ADAT1: variants seen among roughly 807,000 people sequenced by gnomAD.
The protein encoded by ADAT1 is adenosine deaminase tRNA specific 1, also known as tRNA-specific adenosine deaminase 1.
A neutral mutation model predicts 58.6 loss-of-function variants in ADAT1; 58 were observed. That is an observed-to-expected ratio of 0.99 (90% CI 0.80 to 1.23). The LOEUF (loss-of-function observed/expected upper bound fraction) is 1.23, where lower values mean the gene tolerates loss of function less well. Among genes scored for constraint, ADAT1 ranks in the 50% most tolerant of loss-of-function variants. ADAT1 has a pLI of 0.00. For missense variants in ADAT1, 741 were observed against 608.6 expected (o/e 1.22, Z -2.29); for synonymous variants, 254 against 220.8 (o/e 1.15, Z -1.33).
Position 75,607,736 on chromosome 16 carries a change from A to G in ADAT1, c.1289+488T>C, listed in dbSNP as rs553100161. ...GTAACACTACTCCTAGGTATACCCA[A>G]GAAAATTGAAAACATATGGCCATGC... On this transcript the variant is annotated intron_variant, in intron 8 of 9. Coordinates refer to ENST00000564657, the MANE Select transcript of ADAT1 (RefSeq NM_001324445.2). Among the ~76,000 whole-genome samples, 6 of 152,350 alleles carry G rather than the reference A, an allele frequency of 3.9e-5. No homozygotes were observed. In the South Asian group the frequency reaches 1.2e-3, roughly 32 times the overall value.
At chr16:75,611,840 C>T (rs1185524599) in intron 6 of ADAT1, among the ~76,000 whole-genome samples, 2 of 151,954 alleles carry the variant, frequency 1.3e-5, no homozygotes, top group Admixed American at 1.3e-4. Flanking sequence ...GGTGGATCAC[C>T]TGAGGTCAGG....
At chr16:75,617,296 G>A (rs766336731) in intron 4 of ADAT1, 24 bp from the exon 5 acceptor site, 6 of 1,604,952 alleles carry the variant, frequency 3.7e-6, no homozygotes, top group Non-Finnish European at 5.1e-6. Context: ...GATGTTATTA[G>A]GATGAACAAC....
At chr16:75,620,214 A>G (rs913553444) in intron 3 of ADAT1, 52 bp downstream of exon 3, 4 of 1,579,348 alleles carry the variant, frequency 2.5e-6, no homozygotes, top group South Asian at 2.2e-5. Flanking sequence ...AGAGTAAAAC[A>G]TGGACACTGG....
chr16:75,604,674 T>C (rs955154909), intron 8 of ADAT1, among the ~76,000 whole-genome samples: 1 of 151,862 alleles, frequency 6.6e-6, no homozygotes, highest in Non-Finnish European at 1.5e-5. Flanking sequence ...AGCAAATATA[T>C]GTCCTTAAAA....
chr16:75,621,316 A>G (rs1253698846), intron 1 of ADAT1, among the ~76,000 whole-genome samples: 1 of 144,586 alleles, frequency 6.9e-6, no homozygotes, highest in African/African-American at 2.5e-5. Flanking sequence ...CCTCTAGTAA[A>G]TCCCCACTGA....
chr16:75,615,947 T>C (rs2081701323), intron 5 of ADAT1, among the ~76,000 whole-genome samples: 1 of 152,050 alleles, frequency 6.6e-6, no homozygotes, highest in Admixed American at 6.6e-5. Context: ...CTACCTGTCA[T>C]TTTTCTGGGC....
chr16:75,620,199 C>T (rs1353537051), intron 3 of ADAT1, 67 bp downstream of exon 3: 1 of 1,518,886 alleles, frequency 6.6e-7, no homozygotes, highest in Non-Finnish European at 9.1e-7. Context: ...TCTTCCCTGA[C>T]AAGGAGAGTA....
intron 8 of ADAT1, among the ~76,000 whole-genome samples, chr16:75,606,614 G>C (rs1467337477): frequency 1.3e-5 from 2 of 152,150 alleles, no homozygotes; most frequent in South Asian, 2.1e-4. Flanking sequence ...TAACCATTTT[G>C]GAACAGGATC....
chr16:75,611,705 A>G (rs537288949), intron 6 of ADAT1, among the ~76,000 whole-genome samples: 2 of 152,170 alleles, frequency 1.3e-5, no homozygotes, highest in Admixed American at 1.3e-4. Flanking sequence ...ATTTTTAACA[A>G]CAAAGAAAAC....
rs2081172029 is a variant in ADAT1 at position 75,599,677 on chromosome 16, G to A, written c.*539C>T. On this transcript the variant is annotated 3_prime_UTR_variant, in exon 10 of 10. Transcript: ENST00000564657. ...CTGAGAACAAGTCCAGGGCAGTCCA[G>A]GGCTGGCTCACAGGCTATTCCTAGA... 3.0e-6 allele frequency: 3 copies of A among 987,110 alleles called. No individual in the cohort carries two copies. Among genetic ancestry groups the A allele is most frequent in the Non-Finnish European group, 3.6e-6 (3 of 830,892 alleles). 61.1% of individuals were successfully genotyped at this position (987,110 alleles called of 1,614,324 possible). A position where few individuals can be genotyped will look rare whatever the true frequency, so the allele number is the denominator to read the frequency against.
chr16:75,621,231 A>T (rs184632230), intron 1 of ADAT1, among the ~76,000 whole-genome samples: 30 of 151,854 alleles, frequency 2.0e-4, no homozygotes, highest in African/African-American at 6.8e-4. Flanking sequence ...TTCTGGACAG[A>T]TGTTCTTATC....
At chr16:75,618,123 A>G (rs201405207) in intron 4 of ADAT1, among the ~76,000 whole-genome samples, 14,924 of 142,022 alleles carry the variant, frequency 0.11, 2,049 homozygotes, top group East Asian at 0.68. Flanking sequence ...AAAAAAAAAA[A>G]AGAGAGAACC....
intron 1 of ADAT1, among the ~76,000 whole-genome samples, chr16:75,621,449 C>G (rs2081927886): frequency 6.6e-6 from 1 of 152,000 alleles, no homozygotes; most frequent in African/African-American, 2.4e-5. Flanking sequence ...GAATAGACTA[C>G]TTAACCTTGC....
intron 5 of ADAT1, among the ~76,000 whole-genome samples, chr16:75,616,340 A>C (rs771745411): frequency 6.6e-6 from 1 of 151,772 alleles, no homozygotes; most frequent in Non-Finnish European, 1.5e-5. Flanking sequence ...TATATTTTCA[A>C]TTTGAGTTAT....
At chr16:75,608,358 T>C in intron 7 of ADAT1, 35 bp from the exon 8 acceptor site, 1 of 1,536,806 alleles carries the variant, frequency 6.5e-7, no homozygotes, top group Non-Finnish European at 9.0e-7. Flanking sequence ...TTAAAACTGC[T>C]CAATTTCTTG....
intron 9 of ADAT1, 42 bp from the exon 10 acceptor site, chr16:75,600,390 T>C (rs1208488244): frequency 6.2e-6 from 10 of 1,607,872 alleles, no homozygotes; most frequent in South Asian, 1.1e-5. Context: ...TCTCATTGAA[T>C]AGCCCACCCC....
At chr16:75,620,133 A>T (rs11648478) in intron 3 of ADAT1, 133 bp downstream of exon 3, 88,135 of 845,588 alleles carry the variant, frequency 0.1, 4,950 homozygotes, top group Non-Finnish European at 0.12. Flanking sequence ...GGTCCTTCCA[A>T]CTGGACTGAT....
chr16:75,608,245 G>A lies in ADAT1; in HGVS notation c.1268C>T (p.Thr423Ile), dbSNP rs566594759. The stretch of plus-strand genomic sequence containing the variant: ...GTACCTTGCCTGAAGGCTTCCAATT[G>A]TTTTCTTTGTTGTTCCCTGTGGAAA... ...NGFPQGTTKKTIGSLQARSQI... is the reference protein window; with the variant it reads ...NGFPQGTTKKIIGSLQARSQI... Residue 423 changes from threonine to isoleucine, a missense_variant, in exon 8 of 10, where the codon ACA (threonine) becomes ATA (isoleucine). Thr to Ile is a moderately conservative substitution (Grantham distance 89). Coordinates refer to ENST00000564657, the MANE Select transcript of ADAT1 (RefSeq NM_001324445.2). 6.2e-6 allele frequency: 10 copies of A among 1,613,882 alleles called. No individual in the cohort carries two copies. The highest frequency in any genetic ancestry group is 8.5e-6 in the Non-Finnish European group (10 of 1,179,952).
chr16:75,615,465 C>T (rs1471441074), intron 5 of ADAT1, among the ~76,000 whole-genome samples: 2 of 52,390 alleles, frequency 3.8e-5, no homozygotes, highest in Non-Finnish European at 3.9e-5. Context: ...CGAACGCAAA[C>T]GATAGTTGAT....
Sources: allele counts gnomAD v4.1 joint callset (sites outside exome capture counted in the v4.1 genomes callset), GRCh38; gene constraint gnomAD v4.1.1; transcripts MANE v1.5; gene names NCBI Gene and HGNC (gene_info 2026-07-23, HGNC 2026-07-21).